Variants in AGBL4 observed in about 807,000 individuals in gnomAD.
AGBL4 encodes cytosolic carboxypeptidase 6.
Under a neutral mutation model 66.4 loss-of-function variants are expected in AGBL4, and 58 were observed. The observed-to-expected ratio is 0.87, with a 90% CI of 0.71 to 1.09. The LOEUF is 1.09. Among genes scored for constraint, AGBL4 ranks in the 50% least tolerant of loss-of-function variants. The probability of loss-of-function intolerance (pLI) is 0.00; values close to 1 mark genes in which losing one functional copy is unlikely to be tolerated. For synonymous variants in AGBL4, 234 were observed against 222.9 expected (o/e 1.05, Z -0.44); for missense variants, 579 against 631.0 (o/e 0.92, Z 0.88).
chr1:49,595,026 G>C (rs1013639704), intron 3 of AGBL4, among the ~76,000 whole-genome samples: 3 of 152,130 alleles, frequency 2.0e-5, no homozygotes, highest in Non-Finnish European at 2.9e-5. Flanking sequence ...ATCCTCACCA[G>C]CAACTGTTTT....
chr1:49,606,706 T>A (rs1645069464), intron 3 of AGBL4, among the ~76,000 whole-genome samples: 2 of 152,082 alleles, frequency 1.3e-5, no homozygotes, highest in Non-Finnish European at 2.9e-5. Context: ...GAAACAAAGA[T>A]CAGAAAGGTG....
In AGBL4 at chr1:48,867,204, C is replaced by A. The variant is rs374418721; in HGVS notation, c.621G>T (p.Thr207=). The change falls in exon 6 of 14, where the codon ACG becomes ACT. Residue 207 remains threonine (T), a synonymous_variant. Transcript: ENST00000371839. ...ACGCCTACTCACCAGGGCTGGTTAT[C>A]GTCAGGAGGTCAAGCTTTCGTTGTT... ...SVQQRKLDLL[T]ITSPDNLREG... The A allele has an allele frequency of 3.7e-5, 60 of 1,613,460 alleles. No individual in the cohort carries two copies. Among genetic ancestry groups the A allele is most frequent in the Non-Finnish European group, 4.2e-5 (50 of 1,179,770 alleles).
chr1:49,697,307 C>G lies in AGBL4; in HGVS notation c.282+6G>C. 6.5e-7 allele frequency: 1 copy of G among 1,544,310 alleles called. No individual in the cohort carries two copies. Among genetic ancestry groups the G allele is most frequent in the Non-Finnish European group, 8.8e-7 (1 of 1,141,606 alleles). On this transcript the variant is annotated splice_donor_region_variant and intron_variant, in intron 3 of 13. Transcript: ENST00000371839. ...CCACTCTGAAGGTATCCACTATTTCCCTCACCTGTGATTCTTTCACATTTT... is the reference window on the plus strand; with the variant it reads ...CCACTCTGAAGGTATCCACTATTTCGCTCACCTGTGATTCTTTCACATTTT...
intron 5 of AGBL4, among the ~76,000 whole-genome samples, chr1:49,042,125 G>A (rs1571304487): frequency 1.3e-5 from 2 of 151,978 alleles, no homozygotes; most frequent in African/African-American, 4.8e-5. Context: ...ACTTCTGGAA[G>A]TATATCAAGA....
At chr1:48,665,152 A>T (rs1646165972) in intron 6 of AGBL4, among the ~76,000 whole-genome samples, 1 of 152,216 alleles carries the variant, frequency 6.6e-6, no homozygotes, top group African/African-American at 2.4e-5. Flanking sequence ...AGGCAGCAAG[A>T]AATATCATGG....
intron 3 of AGBL4, among the ~76,000 whole-genome samples, chr1:49,574,160 G>A (rs774713230): frequency 3.3e-5 from 5 of 152,140 alleles, no homozygotes; most frequent in East Asian, 1.9e-4. Context: ...TGCTACACTC[G>A]AACTGTTTCG....
intron 7 of AGBL4, among the ~76,000 whole-genome samples, chr1:48,659,960 T>C (rs1348974288): frequency 6.6e-6 from 1 of 152,250 alleles, no homozygotes; most frequent in Non-Finnish European, 1.5e-5. Flanking sequence ...ATAAAGGAAC[T>C]GCGGCATAAG....
At chr1:49,969,244 C>T (rs1218065196) in intron 1 of AGBL4, among the ~76,000 whole-genome samples, 1 of 152,132 alleles carries the variant, frequency 6.6e-6, no homozygotes, top group Non-Finnish European at 1.5e-5. Flanking sequence ...ATGTATACAA[C>T]TCGATGAGTT....
chr1:48,936,621 T>C (rs540500850), intron 5 of AGBL4, among the ~76,000 whole-genome samples: 1 of 152,302 alleles, frequency 6.6e-6, no homozygotes, highest in South Asian at 2.1e-4. Flanking sequence ...CTTGCTGGCA[T>C]TGAAGTAGCC....
At chr1:49,753,966 C>A (rs1366317540) in intron 2 of AGBL4, among the ~76,000 whole-genome samples, 1 of 152,144 alleles carries the variant, frequency 6.6e-6, no homozygotes, top group Non-Finnish European at 1.5e-5. Context: ...GTTAGCAGTT[C>A]CTGTAACATT....
chr1:49,657,806 T>C (rs1226285283), intron 3 of AGBL4, among the ~76,000 whole-genome samples: 2 of 152,302 alleles, frequency 1.3e-5, no homozygotes, highest in Admixed American at 6.5e-5. Flanking sequence ...GCTAGCCATA[T>C]GTAGAAAGCT....
intron 4 of AGBL4, among the ~76,000 whole-genome samples, chr1:49,056,310 C>T (rs1163985704): frequency 6.7e-6 from 1 of 149,656 alleles, no homozygotes; most frequent in East Asian, 1.9e-4. Flanking sequence ...TGGGAAAGAG[C>T]GATAAACAAA....
intron 3 of AGBL4, among the ~76,000 whole-genome samples, chr1:49,540,248 T>TTA (rs752954822): frequency 6.6e-6 from 1 of 152,234 alleles, no homozygotes; most frequent in Non-Finnish European, 1.5e-5. Flanking sequence ...TTAGCCAATC[T>TTA]TTAAATATAT....
chr1:49,240,987 C>T lies in AGBL4; in HGVS notation c.377+4783G>A, dbSNP rs573880163. Among the ~76,000 whole-genome samples the T allele has an allele frequency of 9.2e-5, 14 of 152,030 alleles. No individual in the cohort carries two copies. The South Asian group carries it at 2.7e-3, about 29-fold the overall frequency. ...AAAATCTGGGAATCATCCAGGACTCCTCCTTCTCTTTTACTCTCCACATCT... is the reference window on the plus strand; with the variant it reads ...AAAATCTGGGAATCATCCAGGACTCTTCCTTCTCTTTTACTCTCCACATCT... On this transcript the variant is annotated intron_variant, in intron 4 of 13. Transcript: ENST00000371839.
At chr1:49,969,176 T>G (rs1186603711) in intron 1 of AGBL4, among the ~76,000 whole-genome samples, 1 of 152,192 alleles carries the variant, frequency 6.6e-6, no homozygotes, top group Non-Finnish European at 1.5e-5. Flanking sequence ...AAGAACAGTA[T>G]TTCTTTTAAA....
rs1184799202 is a variant in AGBL4 at position 49,697,340 on chromosome 1, A to T, written c.255T>A (p.Phe85Leu). The part of the protein sequence containing the change: ...CNPRFRVWFN[F>L]TVENVKESQR... Reference sequence around the variant, plus strand: ...GTGATTCTTTCACATTTTCAACAGTAAAGTTGAACCAGACTCGGAAGCGTG... The same window carrying T: ...GTGATTCTTTCACATTTTCAACAGTTAAGTTGAACCAGACTCGGAAGCGTG... The change falls in exon 3 of 14, where the codon TTT becomes TTA. Residue 85 changes from phenylalanine to leucine, a missense_variant. By Grantham distance (22) the Phe-to-Leu change is conservative. Coordinates refer to ENST00000371839, the MANE Select transcript of AGBL4 (RefSeq NM_032785.4). The T allele has an allele frequency of 1.9e-6, 3 of 1,547,228 alleles. No individual in the cohort carries two copies. The Admixed American group carries it at 5.9e-5, about 30-fold the overall frequency.
At chr1:48,635,298 C>T (rs1031581927) in intron 8 of AGBL4, among the ~76,000 whole-genome samples, 1 of 152,182 alleles carries the variant, frequency 6.6e-6, no homozygotes, top group African/African-American at 2.4e-5. Flanking sequence ...TTTGAGGAGA[C>T]CAGGGCATAA....
At position 49,645,838 on chromosome 1, in the gene AGBL4, A is replaced by T. The variant is rs560865624; in HGVS notation, c.282+51475T>A. On this transcript the variant is annotated intron_variant, in intron 3 of 13. Transcript: ENST00000371839. ...ATTAAAAGGATATTAAATAATGGCT[A>T]AGTATGGAATGCAAAGTTAGTTTAA... is the stretch of plus-strand genomic sequence containing the variant. Among the ~76,000 whole-genome samples, 100 of 151,656 alleles carry T rather than the reference A, an allele frequency of 6.6e-4. 1 individual carries two copies. Among genetic ancestry groups the T allele is most frequent in the Non-Finnish European group, 1.0e-4 (7 of 67,626 alleles).
intron 2 of AGBL4, among the ~76,000 whole-genome samples, chr1:49,709,676 T>C (rs1647485869): frequency 6.6e-6 from 1 of 151,968 alleles, no homozygotes; most frequent in Non-Finnish European, 1.5e-5. Context: ...TGGGAGAAAA[T>C]GTTTGCAATC....
Sources: allele counts gnomAD v4.1 joint callset (sites outside exome capture counted in the v4.1 genomes callset), GRCh38; gene constraint gnomAD v4.1.1; transcripts MANE v1.5; gene names NCBI Gene and HGNC (gene_info 2026-07-23, HGNC 2026-07-21).